The following PTPRR variants were observed in gnomAD, a reference collection of about 807,000 sequenced individuals.
PTPRR encodes the protein protein tyrosine phosphatase receptor type R.
Under a neutral mutation model 77.2 loss-of-function variants are expected in PTPRR, and 38 were observed. The ratio of observed to expected loss-of-function variants is 0.49; its 90% CI spans 0.38 to 0.65. PTPRR has a LOEUF of 0.65. PTPRR is among the 30% of genes least tolerant of loss of function. The pLI, the probability that PTPRR is intolerant of heterozygous loss-of-function variation, is 0.00. For synonymous variants in PTPRR, 299 were observed against 283.1 expected, an observed-to-expected ratio of 1.06 and a Z score of -0.57; for missense variants, 744 against 799.2, an observed-to-expected ratio of 0.93 and a Z score of 0.83.
intron 10 of PTPRR, chr12:70,664,753 C>T (rs1349369491): frequency 1.3e-5 from 2 of 152,186 alleles, no homozygotes; most frequent in African/African-American, 2.4e-5. Context: ...AGTCAGCTCC[C>T]AGTAGACAAT....
Position 70,764,691 on chromosome 12 carries a change from G to A in PTPRR, c.445C>T (p.Gln149Ter), listed in dbSNP as rs1565687540. Residue 149 changes from glutamine (Q) to a stop codon, truncating the protein, a stop_gained, in exon 3 of 14, where the codon CAG becomes TAG. Transcript: ENST00000283228. LOFTEE classifies it high-confidence loss of function. Reference sequence around the variant, plus strand: ...ATGAGGCGATTGATGTGCACTTGCTGGGGTAAGAGTCCTAAAGCTGCAGCC... The same window carrying A: ...ATGAGGCGATTGATGTGCACTTGCTAGGGTAAGAGTCCTAAAGCTGCAGCC... ...GVAAALGLLP[Q>*]QVHINRLIGK... The A allele has an allele frequency of 6.2e-7, 1 of 1,613,766 alleles. No homozygotes were observed.
chr12:70,861,311 T>G (rs1892749392), intron 2 of PTPRR, among the ~76,000 whole-genome samples: 1 of 152,120 alleles, frequency 6.6e-6, no homozygotes, highest in Non-Finnish European at 1.5e-5. Flanking sequence ...AATGTAATGG[T>G]TAAATCATTT....
chr12:70,890,121 C>G (rs1473694793), intron 2 of PTPRR, among the ~76,000 whole-genome samples: 1 of 152,144 alleles, frequency 6.6e-6, no homozygotes, highest in Non-Finnish European at 1.5e-5. Context: ...ATGGATTTTA[C>G]AGCATACTTT....
chr12:70,774,464 A>G (rs1223737425), intron 2 of PTPRR, among the ~76,000 whole-genome samples: 1 of 152,246 alleles, frequency 6.6e-6, no homozygotes, highest in Admixed American at 6.5e-5. Flanking sequence ...ACTTTGCAAA[A>G]ATATGAAAGC....
intron 6 of PTPRR, among the ~76,000 whole-genome samples, chr12:70,711,878 C>T (rs773986239): frequency 1.3e-5 from 2 of 152,076 alleles, no homozygotes; most frequent in African/African-American, 2.4e-5. Context: ...AACTCTCAAT[C>T]AAAATTATGA....
chr12:70,760,846 G>A (rs1384397911), intron 4 of PTPRR, among the ~76,000 whole-genome samples: 1 of 152,194 alleles, frequency 6.6e-6, no homozygotes, highest in African/African-American at 2.4e-5. Flanking sequence ...GCGGGATGGA[G>A]TAATAGAATT....
At chr12:70,650,838 C>A (rs928837243) in intron 13 of PTPRR, among the ~76,000 whole-genome samples, 1 of 152,182 alleles carries the variant, frequency 6.6e-6, no homozygotes. Context: ...CAAACTAATA[C>A]AAACACTCAT....
At chr12:70,801,742 A>AATCTATCTATCTATCT (rs150514515) in intron 2 of PTPRR, among the ~76,000 whole-genome samples, 143 of 151,684 alleles carry the variant, frequency 9.4e-4, no homozygotes, top group South Asian at 3.5e-3. Flanking sequence ...CCTTATAATA[A>AATCTATCTATCTATCT]ATCTATCTAT....
At position 70,659,958 on chromosome 12, in the gene PTPRR, T is replaced by G. The variant is rs560218116; in HGVS notation, c.1766+982A>C. 2.1e-3 allele frequency among the ~76,000 whole-genome samples: 315 copies of G among 151,048 alleles called. 1 individual carries two copies. Among genetic ancestry groups the G allele is most frequent in the African/African-American group, 7.5e-3 (307 of 41,130 alleles). The stretch of plus-strand genomic sequence containing the variant: ...GGAGGCCAAGACAGGTGGATCACGT[T>G]TGAAGTCAGGAGTTTGAGACCAGCC... On this transcript the variant is annotated intron_variant, in intron 12 of 13. Transcript: ENST00000283228.
intron 6 of PTPRR, among the ~76,000 whole-genome samples, chr12:70,713,004 C>T (rs1888886924): frequency 6.6e-6 from 1 of 152,034 alleles, no homozygotes; most frequent in South Asian, 2.1e-4. Context: ...TTCCTCACTC[C>T]CCCCAAAAAA....
rs115752316 is a variant in PTPRR at position 70,710,251 on chromosome 12, G to C, written c.1008-8928C>G. Among the ~76,000 whole-genome samples the C allele has an allele frequency of 9.3e-3, 1,414 of 152,066 alleles. 18 individuals are homozygous for C. Among genetic ancestry groups the C allele is most frequent in the African/African-American group, 0.032 (1,329 of 41,518 alleles). ...AGAGATGCCAGAAATAAGGCTGCACGTCTACAACTATTTGATCTTCAACAA... is the reference window on the plus strand; with the variant it reads ...AGAGATGCCAGAAATAAGGCTGCACCTCTACAACTATTTGATCTTCAACAA... On this transcript the variant is annotated intron_variant, in intron 6 of 13. Coordinates refer to ENST00000283228, the MANE Select transcript of PTPRR (RefSeq NM_002849.4).
chr12:70,805,306 G>A (rs1288215545), intron 2 of PTPRR, among the ~76,000 whole-genome samples: 3 of 151,440 alleles, frequency 2.0e-5, no homozygotes, highest in South Asian at 2.1e-4. Flanking sequence ...GGGAGTTTAT[G>A]TATATATGTA....
chr12:70,839,186 G>A (rs1892353451), intron 2 of PTPRR, among the ~76,000 whole-genome samples: 1 of 152,126 alleles, frequency 6.6e-6, no homozygotes, highest in Admixed American at 6.6e-5. Flanking sequence ...ATGGGTCTCT[G>A]GATAAACTCA....
intron 2 of PTPRR, among the ~76,000 whole-genome samples, chr12:70,866,463 C>T (rs371262230): frequency 0.01 from 1,563 of 152,034 alleles, 20 homozygotes; most frequent in South Asian, 0.059. Flanking sequence ...ACACATACAC[C>T]CTCCCAAGAC....
chr12:70,659,525 T>C (rs1886716903), intron 12 of PTPRR, among the ~76,000 whole-genome samples: 1 of 152,128 alleles, frequency 6.6e-6, no homozygotes, highest in African/African-American at 2.4e-5. Context: ...TCAGAAATAG[T>C]AATCAGAAGG....
chr12:70,869,630 A>G (rs942260072), intron 2 of PTPRR, among the ~76,000 whole-genome samples: 1 of 152,188 alleles, frequency 6.6e-6, no homozygotes. Context: ...AGTAGGCCCA[A>G]TATAATCACT....
intron 2 of PTPRR, among the ~76,000 whole-genome samples, chr12:70,872,531 T>C (rs182328142): frequency 0.012 from 1,808 of 151,296 alleles, 15 homozygotes; most frequent in Non-Finnish European, 0.019. Context: ...CCGTCTCTAC[T>C]AAAAATACAA....
chr12:70,771,253 A>G (rs1452860851), intron 2 of PTPRR, among the ~76,000 whole-genome samples: 26 of 152,156 alleles, frequency 1.7e-4, no homozygotes, highest in Non-Finnish European at 7.3e-5. Flanking sequence ...TTTGCAGCAC[A>G]TGGTTGCAGC....
intron 2 of PTPRR, among the ~76,000 whole-genome samples, chr12:70,784,214 CA>C (rs1415827165): frequency 1.3e-5 from 2 of 152,196 alleles, no homozygotes; most frequent in Non-Finnish European, 2.9e-5. Context: ...CCGGAGAGCA[CA>C]GGGGTACCCA....
Sources: allele counts gnomAD v4.1 joint callset (sites outside exome capture counted in the v4.1 genomes callset), GRCh38; gene constraint gnomAD v4.1.1; transcripts MANE v1.5; gene names NCBI Gene and HGNC (gene_info 2026-07-23, HGNC 2026-07-21).